The following CREBBP variants were observed in gnomAD, a reference collection of about 807,000 sequenced individuals.
CREBBP encodes CREB binding lysine acetyltransferase, also known as CREB-binding protein.
A neutral mutation model predicts 265.0 loss-of-function variants in CREBBP; 19 were observed. The observed-to-expected ratio is 0.07, with a 90% CI of 0.05 to 0.11. The LOEUF is 0.11. Among genes scored for constraint, CREBBP ranks in the 10% least tolerant of loss-of-function variants. The pLI is 1.00. For synonymous variants in CREBBP, 1,457 were observed against 1,223.7 expected, an observed-to-expected ratio of 1.19 and a Z score of -3.98; for missense variants, 2,525 against 3,219.0, an observed-to-expected ratio of 0.78 and a Z score of 5.22.
chr16:3,781,176 G>C (rs2141246842), intron 7 of CREBBP, 28 bp downstream of exon 7: 1 of 1,578,222 alleles, frequency 6.3e-7, no homozygotes, highest in Non-Finnish European at 8.7e-7. Flanking sequence ...CTGTTGGACT[G>C]TCACTCAGAT....
chr16:3,852,210 G>A (rs2054866829), intron 1 of CREBBP, among the ~76,000 whole-genome samples: 1 of 126,934 alleles, frequency 7.9e-6, no homozygotes, highest in East Asian at 2.4e-4. Flanking sequence ...TGCGGCCCAG[G>A]CTGGATGGAG....
At chr16:3,876,890 G>C (rs2055414563) in intron 1 of CREBBP, among the ~76,000 whole-genome samples, 1 of 152,176 alleles carries the variant, frequency 6.6e-6, no homozygotes, top group Admixed American at 6.5e-5. Context: ...TGACCTTCGG[G>C]AGTGCTGTTT....
rs1198310528 is a variant in CREBBP, at chr16:3,781,296, T to A, written c.1584A>T (p.Pro528=). Residue 528 remains proline (P), a synonymous_variant, in exon 7 of 31, where the codon CCA becomes CCT. Transcript: ENST00000262367. ...TTATTCCTCCTGCTGGAATGTTCATTGGATTATTTCCTTTAAAGACAGAAA... is the reference window on the plus strand; with the variant it reads ...TTATTCCTCCTGCTGGAATGTTCATAGGATTATTTCCTTTAAAGACAGAAA... ...MRTLNPLGNN[P]MNIPAGGITT... 6.2e-7 allele frequency: 1 copy of A among 1,613,600 alleles called. No individual in the cohort carries two copies. Among genetic ancestry groups the A allele is most frequent in the Non-Finnish European group, 8.5e-7 (1 of 1,179,584 alleles).
intron 20 of CREBBP, 123 bp downstream of exon 20, chr16:3,751,603 C>T (rs911206211): frequency 2.9e-6 from 3 of 1,019,250 alleles, no homozygotes; most frequent in South Asian, 1.3e-5. Flanking sequence ...AAACAAAAAA[C>T]CAAAAAACAT....
chr16:3,747,502 T>TCC (rs1466822908), intron 21 of CREBBP, among the ~76,000 whole-genome samples: 1 of 152,100 alleles, frequency 6.6e-6, no homozygotes, highest in Non-Finnish European at 1.5e-5. Context: ...CCAAGCAGGG[T>TCC]CCCTTCTGTC....
Position 3,731,165 on chromosome 16 carries a change from G to A in CREBBP, c.5172+27C>T. On this transcript the variant is annotated intron_variant, in intron 30 of 30. Coordinates refer to ENST00000262367, the MANE Select transcript of CREBBP (RefSeq NM_004380.3). This position sits in a 1 kb window ranked among gnomAD's most constrained non-coding sequence, Gnocchi z 7.7. ...CTTCGTCAGACCCCAGGCCGGCTGT[G>A]GGGGTGGGGGTGGGGGCAGGGCCTA... 6.2e-7 allele frequency: 1 copy of A among 1,602,038 alleles called. No homozygotes were observed. The highest frequency in any genetic ancestry group is 1.1e-5 in the South Asian group (1 of 90,740).
At chr16:3,863,500 G>C (rs1425550166) in intron 1 of CREBBP, among the ~76,000 whole-genome samples, 2 of 152,160 alleles carry the variant, frequency 1.3e-5, no homozygotes, top group Non-Finnish European at 2.9e-5. Context: ...CTACCTAGGA[G>C]GGTGACACCG....
At chr16:3,795,262 A>G (rs130034) in intron 3 of CREBBP, among the ~76,000 whole-genome samples, 22,145 of 152,174 alleles carry the variant, frequency 0.15, 2,249 homozygotes, top group African/African-American at 0.28. Context: ...CCTGATTATA[A>G]AAGTATATAT....
rs2053079718 is a variant in CREBBP, at chr16:3,774,067, G to A, written c.2284-137C>T. Reference sequence around the variant, plus strand: ...GGGCTCACATCCTGCCCTTCCTCATGGGAAGAGACCACCACTTGCTAAGAA... The same window carrying A: ...GGGCTCACATCCTGCCCTTCCTCATAGGAAGAGACCACCACTTGCTAAGAA... On this transcript the variant is annotated intron_variant, in intron 12 of 30. Coordinates refer to ENST00000262367, the MANE Select transcript of CREBBP (RefSeq NM_004380.3). 11 of 953,716 alleles carry A rather than the reference G, an allele frequency of 1.2e-5. No homozygotes were observed. In the East Asian group the frequency reaches 2.7e-4, roughly 24 times the overall value. 59.1% of individuals were successfully genotyped at this position (953,716 alleles called of 1,614,324 possible). A position where few individuals can be genotyped will look rare whatever the true frequency, so the allele number is the denominator to read the frequency against.
chr16:3,844,419 A>T (rs978060553), intron 2 of CREBBP, among the ~76,000 whole-genome samples: 40 of 152,322 alleles, frequency 2.6e-4, no homozygotes, highest in African/African-American at 9.6e-4. Flanking sequence ...ATCACAGGTT[A>T]ATCAACATAG....
intron 8 of CREBBP, 111 bp downstream of exon 8, chr16:3,780,621 C>G (rs1398820063): frequency 8.4e-7 from 1 of 1,185,172 alleles, no homozygotes; most frequent in Non-Finnish European, 1.2e-6. Flanking sequence ...AGAGTGGCTC[C>G]CTAAATAAGC....
At chr16:3,859,257 A>G (rs1266092873) in intron 1 of CREBBP, among the ~76,000 whole-genome samples, 1 of 151,752 alleles carries the variant, frequency 6.6e-6, no homozygotes, top group East Asian at 1.9e-4. Context: ...CAGTGGCACG[A>G]TCTTGGCTCA....
chr16:3,739,509 C>CTTAA (rs2052149184), intron 25 of CREBBP, 69 bp downstream of exon 25: 1 of 1,598,518 alleles, frequency 6.3e-7, no homozygotes, highest in Non-Finnish European at 8.6e-7. Context: ...CTCTGGGACA[C>CTTAA]TTAAGAGCCC....
In CREBBP at chr16:3,728,722, C is replaced by G. The variant is rs1174069554; in HGVS notation, c.6325G>C (p.Val2109Leu). The G allele has an allele frequency of 2.5e-6, 4 of 1,613,920 alleles. No individual in the cohort carries two copies. The highest frequency in any genetic ancestry group is 3.4e-6 in the Non-Finnish European group (4 of 1,179,974). Residue 2109 changes from valine to leucine, a missense_variant, in exon 31 of 31, where the codon GTG becomes CTG. Physicochemically the swap from Val to Leu is conservative, Grantham distance 32. This residue lies in a region of CREBBP where 473 missense variants were observed against 459.3 expected (regional missense o/e 1.03). Coordinates refer to ENST00000262367, the MANE Select transcript of CREBBP (RefSeq NM_004380.3). The surrounding 1 kb of genome is among the most constrained non-coding windows in gnomAD (Gnocchi z 8.7). ...GGCTGCATGCCGGGCTGATTGGCCA[C>G]GTACTTGGCTGTGCGCTGTTTGATG... ...AFIKQRTAKYVANQPGMQPQP... is the reference protein window; with the variant it reads ...AFIKQRTAKYLANQPGMQPQP...
chr16:3,878,312 T>C (rs1414782286), intron 1 of CREBBP, among the ~76,000 whole-genome samples: 1 of 152,220 alleles, frequency 6.6e-6, no homozygotes, highest in African/African-American at 2.4e-5. Flanking sequence ...TGTTTCCAAA[T>C]TTCTCACTTC....
intron 1 of CREBBP, among the ~76,000 whole-genome samples, chr16:3,873,139 G>C (rs1049542355): frequency 1.3e-5 from 2 of 152,138 alleles, no homozygotes; most frequent in Admixed American, 1.3e-4. Flanking sequence ...ATGCTTAACA[G>C]GTACCTCAAG....
At chr16:3,814,291 G>A (rs1267356312) in intron 2 of CREBBP, among the ~76,000 whole-genome samples, 1 of 149,214 alleles carries the variant, frequency 6.7e-6, no homozygotes, top group Non-Finnish European at 1.5e-5. Flanking sequence ...GTCTCGTTCT[G>A]TTGCCTAGGC....
At position 3,849,525 on chromosome 16, in the gene CREBBP, CTTTT is replaced by C. The variant is rs140938515; in HGVS notation, c.798+768_798+771del. The stretch of plus-strand genomic sequence containing the variant: ...CCTTGGAGCCACCTGGAGGCTGCTG[CTTTT>C]TTTTTTTTTTTTTTTTTTTTTCCAA... On this transcript the variant is annotated intron_variant, in intron 2 of 30. Coordinates refer to ENST00000262367, the MANE Select transcript of CREBBP (RefSeq NM_004380.3). Among the ~76,000 whole-genome samples, 65 of 6,556 alleles carry C rather than the reference CTTTT, an allele frequency of 9.9e-3. 2 individuals are homozygous for C. Among genetic ancestry groups the C allele is most frequent in the African/African-American group, 0.029 (61 of 2,112 alleles). 4.3% of individuals were successfully genotyped at this position (6,556 alleles called of 152,430 possible).
intron 2 of CREBBP, among the ~76,000 whole-genome samples, chr16:3,818,164 C>T (rs1264869395): frequency 6.6e-6 from 1 of 152,042 alleles, no homozygotes; most frequent in East Asian, 1.9e-4. Context: ...CCTGAGGGGG[C>T]CACCATGTGA....
Sources: gnomAD v4.1 joint callset for allele counts (sites outside exome capture counted in the v4.1 genomes callset) on GRCh38, gnomAD v4.1.1 for gene constraint, gnomAD v4.1.1 regional missense constraint, Gnocchi (gnomAD v3.1) non-coding constraint, MANE v1.5 for transcripts, NCBI Gene and HGNC (gene_info 2026-07-23, HGNC 2026-07-21) for gene names.